The following ST3GAL3 variants were observed in gnomAD, a reference collection of about 807,000 sequenced individuals.
ST3GAL3 encodes CMP-N-acetylneuraminate-beta-1,4-galactoside alpha-2,3-sialyltransferase.
ST3GAL3 carries 21 observed loss-of-function variants against 50.1 expected under a neutral mutation model. The ratio of observed to expected loss-of-function variants is 0.42; its 90% CI spans 0.30 to 0.60. The LOEUF is 0.60. Among genes scored for constraint, ST3GAL3 ranks in the 20% least tolerant of loss-of-function variants. The pLI, the probability that ST3GAL3 is intolerant of heterozygous loss-of-function variation, is 0.19. For missense variants in ST3GAL3, 353 were observed against 489.4 expected, an observed-to-expected ratio of 0.72 and a Z score of 2.63; for synonymous variants, 183 against 190.0, an observed-to-expected ratio of 0.96 and a Z score of 0.30.
chr1:43,792,341 A>G (rs1039428110), intron 3 of ST3GAL3, among the ~76,000 whole-genome samples, 192 bp downstream of exon 3: 8 of 135,606 alleles, frequency 5.9e-5, no homozygotes, highest in Non-Finnish European at 1.3e-4. Context: ...GAACTTTTCC[A>G]GTTACTTTAA....
rs1682686554 is a variant in ST3GAL3, at chr1:43,744,656, A to G, written c.118+8276A>G. ...GGACAGAGCGAGACTCCCTCTCAAA[A>G]AATAAATAAATAAATAAATAAATAA... is the stretch of plus-strand genomic sequence containing the variant. On this transcript the variant is annotated intron_variant, in intron 2 of 11. Transcript: ENST00000347631. Among the ~76,000 whole-genome samples the G allele has an allele frequency of 4.5e-5, 3 of 66,176 alleles. No homozygotes were observed. In the South Asian group the frequency reaches 1.2e-3, roughly 27 times the overall value. 43.4% of individuals were successfully genotyped at this position (66,176 alleles called of 152,430 possible). A position where few individuals can be genotyped will look rare whatever the true frequency, so the allele number is the denominator to read the frequency against.
chr1:43,927,068 G>A (rs1012200048), intron 11 of ST3GAL3, among the ~76,000 whole-genome samples: 4 of 152,266 alleles, frequency 2.6e-5, no homozygotes, highest in South Asian at 2.1e-4. Flanking sequence ...GGTGGCTCAC[G>A]CCTGTAATCT....
intron 5 of ST3GAL3, among the ~76,000 whole-genome samples, chr1:43,847,902 G>GT (rs1268019773): frequency 6.6e-6 from 1 of 151,966 alleles, no homozygotes; most frequent in Admixed American, 6.6e-5. Flanking sequence ...GTGTAAATAC[G>GT]TATTTCCATA....
chr1:43,816,956 G>A (rs1428022820), intron 4 of ST3GAL3, among the ~76,000 whole-genome samples: 1 of 152,196 alleles, frequency 6.6e-6, no homozygotes, highest in Admixed American at 6.5e-5. Flanking sequence ...CCTACTTCCA[G>A]AGAGAAGTTT....
chr1:43,903,939 A>G (rs2078713479), intron 9 of ST3GAL3, among the ~76,000 whole-genome samples: 1 of 152,176 alleles, frequency 6.6e-6, no homozygotes, highest in Non-Finnish European at 1.5e-5. Flanking sequence ...ATAAGATGAA[A>G]TCTAGAAGCA....
intron 1 of ST3GAL3, among the ~76,000 whole-genome samples, chr1:43,713,185 G>A (rs754455240): frequency 6.6e-6 from 1 of 152,204 alleles, no homozygotes; most frequent in Non-Finnish European, 1.5e-5. Context: ...CGGCATGTCT[G>A]TGTGCTTCCT....
chr1:43,854,837 A>AGAT (rs1192634089), intron 5 of ST3GAL3, among the ~76,000 whole-genome samples: 4 of 152,158 alleles, frequency 2.6e-5, no homozygotes, highest in Admixed American at 2.6e-4. Flanking sequence ...TTCCCCTCTT[A>AGAT]ACCAGATATC....
rs1452536442 is a variant in ST3GAL3 at position 43,813,895 on chromosome 1, GCACACACGCA to G, written c.167-988_167-979del. Among the ~76,000 whole-genome samples the G allele has an allele frequency of 6.1e-5, 6 of 97,862 alleles. No individual in the cohort carries two copies. The South Asian group carries it at 1.6e-3, about 26-fold the overall frequency. The allele number at this position is 97,862 out of a possible 152,430, so 64.2% of individuals were successfully genotyped here. The stretch of plus-strand genomic sequence containing the variant: ...CACACACACACACACACACACACAC[GCACACACGCA>G]CACACACACACACACACACACACAC... On this transcript the variant is annotated intron_variant, in intron 3 of 11. Transcript: ENST00000347631.
At chr1:43,767,337 G>C (rs1308671252) in intron 2 of ST3GAL3, among the ~76,000 whole-genome samples, 1 of 152,144 alleles carries the variant, frequency 6.6e-6, no homozygotes, top group Middle Eastern at 3.2e-3. Flanking sequence ...CTGGCATATA[G>C]AGTCTCTGGG....
chr1:43,795,459 T>C (rs2058580993), intron 3 of ST3GAL3, among the ~76,000 whole-genome samples: 1 of 152,232 alleles, frequency 6.6e-6, no homozygotes, highest in South Asian at 2.1e-4. Context: ...CATGGAATAT[T>C]TGCAAGAGGC....
At chr1:43,783,371 C>A (rs1699970238) in intron 2 of ST3GAL3, among the ~76,000 whole-genome samples, 1 of 152,180 alleles carries the variant, frequency 6.6e-6, no homozygotes, top group Non-Finnish European at 1.5e-5. Context: ...TAGCAGCCTC[C>A]ATGCCTTTAC....
intron 2 of ST3GAL3, among the ~76,000 whole-genome samples, chr1:43,777,086 A>G (rs1313052483): frequency 1.3e-5 from 2 of 152,178 alleles, no homozygotes; most frequent in African/African-American, 4.8e-5. Context: ...AGGTCCTGCT[A>G]TCAGAGAGAT....
intron 2 of ST3GAL3, among the ~76,000 whole-genome samples, chr1:43,744,687 T>TAAATAAATAAATAAAA (rs1558109543): frequency 1.5e-5 from 2 of 135,434 alleles, no homozygotes; most frequent in Non-Finnish European, 3.2e-5. Context: ...AATAAATAAA[T>TAAATAAATAAATAAAA]AAAATAAAAT....
chr1:43,707,592 G>C lies in ST3GAL3; in HGVS notation c.-132G>C, dbSNP rs1313625948. The C allele has an allele frequency of 6.6e-6, 1 of 151,904 alleles. No individual in the cohort carries two copies. The highest frequency in any genetic ancestry group is 2.4e-5 in the African/African-American group (1 of 41,396). The allele number at this position is 151,904 out of a possible 1,614,324, so 9.4% of individuals were successfully genotyped here. On this transcript the variant is annotated 5_prime_UTR_variant, in exon 1 of 12. Transcript: ENST00000347631. ...GCCCAGCGCGTTGTGGGCTCCCGCCGGGGTCCCCCGCGGCTGTCGCCGCCG... is the reference window on the plus strand; with the variant it reads ...GCCCAGCGCGTTGTGGGCTCCCGCCCGGGTCCCCCGCGGCTGTCGCCGCCG...
intron 5 of ST3GAL3, among the ~76,000 whole-genome samples, chr1:43,882,811 T>C (rs2075354479): frequency 6.6e-6 from 1 of 152,180 alleles, no homozygotes; most frequent in East Asian, 1.9e-4. Flanking sequence ...CTGACCCTGT[T>C]CTGGGCTTGC....
At chr1:43,822,788 A>T (rs192949216) in intron 4 of ST3GAL3, among the ~76,000 whole-genome samples, 1 of 152,234 alleles carries the variant, frequency 6.6e-6, no homozygotes, top group African/African-American at 2.4e-5. Context: ...TCCTATATTT[A>T]TATCAAGCCC....
chr1:43,745,600 T>C (rs1233192512), intron 2 of ST3GAL3, among the ~76,000 whole-genome samples: 1 of 152,228 alleles, frequency 6.6e-6, no homozygotes, highest in Non-Finnish European at 1.5e-5. Context: ...TAATATCATA[T>C]TTTTACTGTA....
intron 5 of ST3GAL3, 169 bp downstream of exon 5, chr1:43,838,480 G>T: frequency 1.5e-6 from 1 of 666,942 alleles, no homozygotes; most frequent in South Asian, 1.5e-5. Context: ...ACTCCATGCC[G>T]TTGCTTTGCC....
intron 2 of ST3GAL3, among the ~76,000 whole-genome samples, chr1:43,779,189 G>A (rs545907273): frequency 2.6e-5 from 4 of 151,706 alleles, no homozygotes; most frequent in Admixed American, 1.3e-4. Flanking sequence ...TGATCCACCC[G>A]CCTCAGCCTC....
Sources: allele counts gnomAD v4.1 joint callset (sites outside exome capture counted in the v4.1 genomes callset), GRCh38; gene constraint gnomAD v4.1.1; transcripts MANE v1.5; gene names NCBI Gene and HGNC (gene_info 2026-07-23, HGNC 2026-07-21).